EYS: variants seen among roughly 807,000 people sequenced by gnomAD.
EYS encodes protein eyes shut homolog.
In EYS, 250 loss-of-function variants were observed where a neutral mutation model predicts 282.1. That is an observed-to-expected ratio of 0.89 (90% CI 0.80 to 0.98). EYS has a LOEUF of 0.98. Ranked by LOEUF, EYS falls within the 50% of genes least tolerant of loss-of-function variation. The probability of loss-of-function intolerance (pLI) is 0.00; values close to 1 mark genes in which losing one functional copy is unlikely to be tolerated. For missense variants in EYS, 4,016 were observed against 3,709.0 expected, an observed-to-expected ratio of 1.08 and a Z score of -2.15; for synonymous variants, 1,355 against 1,282.9, an observed-to-expected ratio of 1.06 and a Z score of -1.20.
chr6:63,735,239 A>G (rs1433452946), intron 41 of EYS, among the ~76,000 whole-genome samples: 1 of 152,098 alleles, frequency 6.6e-6, no homozygotes, highest in Non-Finnish European at 1.5e-5. Flanking sequence ...TTGCTTTAAA[A>G]AATCATTTTG....
chr6:65,055,655 A>T (rs935375143), intron 13 of EYS, among the ~76,000 whole-genome samples: 2 of 152,024 alleles, frequency 1.3e-5, no homozygotes, highest in African/African-American at 2.4e-5. Flanking sequence ...TGATGACCTT[A>T]ACAGATTTGA....
rs573947676 is a variant in EYS, at chr6:64,991,117, T to G, written c.2259+6465A>C. Among the ~76,000 whole-genome samples the G allele has an allele frequency of 3.3e-5, 5 of 151,680 alleles. No individual in the cohort carries two copies. The East Asian group carries it at 9.7e-4, about 29-fold the overall frequency. ...TCATACAGGGAAAAGAATTCCATAA[T>G]CTAGTTTATTGTAGAAATGACAGAA... On this transcript the variant is annotated intron_variant, in intron 14 of 42. Coordinates refer to ENST00000503581, the MANE Select transcript of EYS (RefSeq NM_001142800.2).
At chr6:64,923,253 A>T (rs1768409410) in intron 15 of EYS, among the ~76,000 whole-genome samples, 1 of 152,254 alleles carries the variant, frequency 6.6e-6, no homozygotes, top group South Asian at 2.1e-4. Context: ...TGGCAAGAGA[A>T]AAATAAGGAA....
Position 63,720,917 on chromosome 6 carries a change from T to A in EYS, c.9114A>T (p.Thr3038=), listed in dbSNP as rs1307237555. 5.8e-6 allele frequency: 9 copies of A among 1,551,130 alleles called. No homozygotes were observed. Among genetic ancestry groups the A allele is most frequent in the African/African-American group, 1.4e-5 (1 of 73,038 alleles). The stretch of plus-strand genomic sequence containing the variant: ...CATGGTGCCATTTATTACAACAGAA[T>A]GTGCCATTGTTATAGCTCATAGGCA... The part of the protein sequence containing the change: ...ISVPMSYNNG[T]FCCNKWHHVV... Residue 3038 remains threonine (T), a synonymous_variant, in exon 43 of 43, where the codon ACA becomes ACT. Coordinates refer to ENST00000503581, the MANE Select transcript of EYS (RefSeq NM_001142800.2).
chr6:65,378,006 A>G (rs1765443898), intron 8 of EYS, among the ~76,000 whole-genome samples: 1 of 152,050 alleles, frequency 6.6e-6, no homozygotes, highest in Non-Finnish European at 1.5e-5. Flanking sequence ...TCCTTCTGAA[A>G]CTATTCTAAA....
At chr6:64,205,193 T>C (rs1024650992) in intron 31 of EYS, among the ~76,000 whole-genome samples, 2 of 152,188 alleles carry the variant, frequency 1.3e-5, no homozygotes, top group Non-Finnish European at 2.9e-5. Context: ...TGTATTTCCA[T>C]AGAAACCAAA....
intron 31 of EYS, among the ~76,000 whole-genome samples, chr6:64,162,177 T>C (rs959637880): frequency 2.0e-5 from 3 of 152,178 alleles, no homozygotes; most frequent in Admixed American, 1.3e-4. Flanking sequence ...AGAACATTAT[T>C]TGAGATCCCT....
chr6:65,566,996 G>T (rs1021540680), intron 2 of EYS, among the ~76,000 whole-genome samples: 1 of 152,048 alleles, frequency 6.6e-6, no homozygotes, highest in African/African-American at 2.4e-5. Context: ...TTACTCCCCA[G>T]TTCAAGTGTT....
chr6:65,422,577 C>A (rs9354238), intron 5 of EYS, among the ~76,000 whole-genome samples: 1 of 151,410 alleles, frequency 6.6e-6, no homozygotes, highest in African/African-American at 2.4e-5. Flanking sequence ...TTTATATCAT[C>A]AATAAACATA....
At chr6:64,145,822 G>A (rs890189887) in intron 31 of EYS, among the ~76,000 whole-genome samples, 1 of 152,076 alleles carries the variant, frequency 6.6e-6, no homozygotes, top group Non-Finnish European at 1.5e-5. Flanking sequence ...CAGTCTTGCT[G>A]TCATCCAATA....
intron 15 of EYS, among the ~76,000 whole-genome samples, chr6:64,918,423 C>T (rs1348462083): frequency 6.6e-6 from 1 of 151,980 alleles, no homozygotes; most frequent in African/African-American, 2.4e-5. Flanking sequence ...TTTGACTTTA[C>T]CCTTGAAGAT....
chr6:64,746,722 G>A (rs1348168596), intron 22 of EYS, among the ~76,000 whole-genome samples: 4 of 152,166 alleles, frequency 2.6e-5, no homozygotes, highest in Admixed American at 2.0e-4. Context: ...CATACAGACT[G>A]TATATAGGCT....
At chr6:65,277,993 C>T (rs2150272052) in intron 12 of EYS, among the ~76,000 whole-genome samples, 1 of 80,398 alleles carries the variant, frequency 1.2e-5, no homozygotes, top group Non-Finnish European at 3.0e-5. Flanking sequence ...TGTCTGACTA[C>T]CTTTTAGCTG....
intron 22 of EYS, among the ~76,000 whole-genome samples, chr6:64,647,429 C>T (rs1484053305): frequency 5.9e-5 from 9 of 152,102 alleles, no homozygotes; most frequent in African/African-American, 1.9e-4. Context: ...TATCTTAATA[C>T]AGGTAACTTT....
intron 31 of EYS, among the ~76,000 whole-genome samples, chr6:64,101,421 G>A (rs1335773834): frequency 6.6e-6 from 1 of 151,952 alleles, no homozygotes; most frequent in African/African-American, 2.4e-5. Flanking sequence ...ATAAATAATG[G>A]TTTCTTCAGT....
intron 13 of EYS, among the ~76,000 whole-genome samples, chr6:65,037,849 A>ATATATT (rs1351324067): frequency 1.3e-5 from 2 of 151,710 alleles, no homozygotes; most frequent in African/African-American, 4.8e-5. Context: ...ATGCATGTAC[A>ATATATT]TATATTTATA....
intron 26 of EYS, among the ~76,000 whole-genome samples, chr6:64,538,479 T>C (rs1343906019): frequency 6.6e-6 from 1 of 152,188 alleles, no homozygotes; most frequent in Non-Finnish European, 1.5e-5. Context: ...AACCATATAG[T>C]GTTTTTGCTT....
chr6:63,950,212 A>C (rs1169682720), intron 35 of EYS, among the ~76,000 whole-genome samples: 1 of 151,992 alleles, frequency 6.6e-6, no homozygotes, highest in East Asian at 1.9e-4. Flanking sequence ...AAAAACAAAA[A>C]AAACAAAACC....
Position 63,971,923 on chromosome 6 carries a change from G to A in EYS, c.7055+12460C>T, listed in dbSNP as rs9353414. Among the ~76,000 whole-genome samples the A allele has an allele frequency of 1.0e-3, 153 of 152,244 alleles. 6 individuals are homozygous for A. The East Asian group carries it at 0.025, about 25-fold the overall frequency. ...GTGAGATATGAAGAAAGGATTCTTG[G>A]TATTGAAACATACTAAACTCAAAGA... On this transcript the variant is annotated intron_variant, in intron 35 of 42. Transcript: ENST00000503581.
Sources: gnomAD v4.1 joint callset for allele counts (sites outside exome capture counted in the v4.1 genomes callset) on GRCh38, gnomAD v4.1.1 for gene constraint, MANE v1.5 for transcripts, NCBI Gene and HGNC (gene_info 2026-07-23, HGNC 2026-07-21) for gene names.